The following SNRPN variants were observed in gnomAD, a reference collection of about 807,000 sequenced individuals.
SNRPN encodes the protein small nuclear ribonucleoprotein polypeptide N.
SNRPN carries 7 observed loss-of-function variants against 25.2 expected under a neutral mutation model. That is an observed-to-expected ratio of 0.28 (90% confidence interval 0.16 to 0.52). SNRPN has a LOEUF of 0.52. Ranked by LOEUF, SNRPN falls within the 20% of genes least tolerant of loss-of-function variation. SNRPN has a pLI of 0.96. For synonymous variants in SNRPN, 124 were observed against 110.6 expected (o/e 1.12, Z -0.76); for missense variants, 196 against 322.5 (o/e 0.61, Z 3.00).
At chr15:24,974,531 TGATCTTG>T in intron 4 of SNRPN, 75 bp downstream of exon 4, 1 of 1,362,668 alleles carries the variant, frequency 7.3e-7, no homozygotes, top group Non-Finnish European at 1.1e-6. Flanking sequence ...GCATGTGCAG[TGATCTTG>T]GGTTCTGAAT....
chr15:24,830,869 C>T (rs1030587464), intron 2 of SNRPN, among the ~76,000 whole-genome samples: 1 of 151,954 alleles, frequency 6.6e-6, no homozygotes, highest in South Asian at 2.1e-4. Flanking sequence ...ATGAGTGGTC[C>T]TGTGGGCTTG....
chr15:24,941,151 A>G (rs2061529995), intron 3 of SNRPN, among the ~76,000 whole-genome samples: 1 of 152,108 alleles, frequency 6.6e-6, no homozygotes, highest in African/African-American at 2.4e-5. Flanking sequence ...TAATTTTTGT[A>G]TTTTTAGTAG....
At chr15:24,887,394 G>A (rs893646988) in intron 2 of SNRPN, among the ~76,000 whole-genome samples, 7 of 151,798 alleles carry the variant, frequency 4.6e-5, no homozygotes, top group African/African-American at 4.8e-5. Context: ...GTTATCCTCC[G>A]GCCTCGGCCT....
intron 3 of SNRPN, among the ~76,000 whole-genome samples, chr15:24,937,266 A>G (rs1282940868): frequency 6.6e-6 from 1 of 152,132 alleles, no homozygotes; most frequent in East Asian, 1.9e-4. Flanking sequence ...AAAAAAATCA[A>G]AACAATTTCC....
At chr15:24,924,152 A>G (rs1236154846) in intron 3 of SNRPN, among the ~76,000 whole-genome samples, 1 of 151,780 alleles carries the variant, frequency 6.6e-6, no homozygotes, top group East Asian at 1.9e-4. Context: ...TAGTCAGATT[A>G]ATGGGAGAAA....
chr15:24,903,720 T>C (rs759577800), intron 2 of SNRPN, among the ~76,000 whole-genome samples: 1 of 152,102 alleles, frequency 6.6e-6, no homozygotes, highest in Non-Finnish European at 1.5e-5. Context: ...ATGGGAGAGA[T>C]AGTCCCAGAA....
chr15:24,858,494 G>A (rs2053647439), intron 1 of SNRPN, among the ~76,000 whole-genome samples: 3 of 151,942 alleles, frequency 2.0e-5, no homozygotes, highest in Non-Finnish European at 4.4e-5. Context: ...AAACAATTTA[G>A]GGCTCCAAAA....
At chr15:24,840,882 T>C (rs2051631036) in intron 2 of SNRPN, among the ~76,000 whole-genome samples, 1 of 152,192 alleles carries the variant, frequency 6.6e-6, no homozygotes, top group South Asian at 2.1e-4. Context: ...AGTCTTGCTC[T>C]GTCACCCAGG....
intron 2 of SNRPN, among the ~76,000 whole-genome samples, chr15:24,887,214 C>A (rs931310876): frequency 2.8e-5 from 4 of 144,758 alleles, no homozygotes; most frequent in African/African-American, 1.0e-4. Flanking sequence ...GTGGCATGAT[C>A]TCAGCTCACT....
intron 3 of SNRPN, among the ~76,000 whole-genome samples, chr15:24,944,823 C>G (rs1278109874): frequency 1.3e-5 from 2 of 152,154 alleles, no homozygotes; most frequent in Non-Finnish European, 2.9e-5. Flanking sequence ...CCAAAATCTT[C>G]AGAGCAGGCT....
At position 24,925,294 on chromosome 15, in the gene SNRPN, C is replaced by CT. The variant is rs1034995483; in HGVS notation, c.-391+5178dup. On this transcript the variant is annotated intron_variant, in intron 3 of 11. Transcript: ENST00000400097. ...CAATCATAGGAAAATAAGCTATAAG[C>CT]TTTTTTTTAATTCTTTGATTCTCAA... is the stretch of plus-strand genomic sequence containing the variant. 1.2e-3 allele frequency among the ~76,000 whole-genome samples: 188 copies of CT among 151,988 alleles called. 1 individual carries two copies. Among genetic ancestry groups the CT allele is most frequent in the African/African-American group, 3.6e-3 (150 of 41,438 alleles).
intron 3 of SNRPN, among the ~76,000 whole-genome samples, chr15:24,925,843 G>A (rs542630283): frequency 2.6e-5 from 4 of 151,936 alleles, no homozygotes; most frequent in African/African-American, 9.7e-5. Context: ...CCAGGTTCAC[G>A]CCATTCTCTG....
At chr15:24,970,653 G>C (rs910697344) in intron 3 of SNRPN, among the ~76,000 whole-genome samples, 1 of 152,144 alleles carries the variant, frequency 6.6e-6, no homozygotes, top group Non-Finnish European at 1.5e-5. Flanking sequence ...TATCCAACTG[G>C]ATACCTACCT....
At chr15:24,946,519 G>A (rs1291486762) in intron 3 of SNRPN, among the ~76,000 whole-genome samples, 2 of 152,212 alleles carry the variant, frequency 1.3e-5, no homozygotes, top group Non-Finnish European at 2.9e-5. Context: ...ACCCAGACTA[G>A]AGTGCAGTGA....
chr15:24,946,179 C>A (rs1319358379), intron 3 of SNRPN, among the ~76,000 whole-genome samples: 1 of 152,162 alleles, frequency 6.6e-6, no homozygotes, highest in East Asian at 1.9e-4. Context: ...GGCTCAAATG[C>A]TTGAGAGCTG....
intron 2 of SNRPN, chr15:24,849,131 C>T (rs1318134258): frequency 6.6e-6 from 1 of 152,232 alleles, no homozygotes; most frequent in Non-Finnish European, 1.5e-5. Context: ...TGGGGTTTCA[C>T]CATGTTGGCC....
intron 1 of SNRPN, among the ~76,000 whole-genome samples, chr15:24,873,690 A>G (rs1021884996): frequency 6.2e-4 from 94 of 151,906 alleles, no homozygotes; most frequent in Non-Finnish European, 1.0e-3. Context: ...CTCGTGATCC[A>G]CCTGCCTCGG....
intron 2 of SNRPN, among the ~76,000 whole-genome samples, chr15:24,912,895 G>A (rs1360016941): frequency 1.3e-5 from 2 of 152,004 alleles, no homozygotes; most frequent in Admixed American, 6.6e-5. Context: ...CCAGAAACAC[G>A]ACAAATAAGT....
chr15:24,893,767 C>T (rs762386814), intron 2 of SNRPN, among the ~76,000 whole-genome samples: 2 of 151,860 alleles, frequency 1.3e-5, no homozygotes, highest in Non-Finnish European at 1.5e-5. Context: ...GGTTCTTTAT[C>T]GGTATGGTGA....
Sources: allele counts gnomAD v4.1 joint callset (sites outside exome capture counted in the v4.1 genomes callset), GRCh38; gene constraint gnomAD v4.1.1; transcripts MANE v1.5; gene names NCBI Gene and HGNC (gene_info 2026-07-23, HGNC 2026-07-21).